Variants in STRN observed in about 807,000 individuals in gnomAD.
STRN encodes striatin, also known as protein phosphatase 2 regulatory subunit B'''alpha.
STRN carries 53 observed loss-of-function variants against 96.3 expected under a neutral mutation model. That is an observed-to-expected ratio of 0.55 (90% CI 0.44 to 0.69). The LOEUF is 0.69. Ranked by LOEUF, STRN falls within the 30% of genes least tolerant of loss-of-function variation. STRN has a pLI of 0.00. For missense variants in STRN, 987 were observed against 963.9 expected, an observed-to-expected ratio of 1.02 and a Z score of -0.32; for synonymous variants, 428 against 355.9, an observed-to-expected ratio of 1.20 and a Z score of -2.28.
In STRN at chr2:36,889,396, A is replaced by G. The variant is rs186990286; in HGVS notation, c.932-2570T>C. On this transcript the variant is annotated intron_variant, in intron 7 of 17. Transcript: ENST00000263918. Reference sequence around the variant, plus strand: ...ATTCTTTATTTTCCCAGAAAGACATAACAATTAAAAATGTTAATTTTCATC... The same window carrying G: ...ATTCTTTATTTTCCCAGAAAGACATGACAATTAAAAATGTTAATTTTCATC... 1.5e-4 allele frequency among the ~76,000 whole-genome samples: 23 copies of G among 152,310 alleles called. 1 individual carries two copies. The East Asian group carries it at 4.4e-3, about 29-fold the overall frequency.
chr2:36,964,523 A>G (rs1184025671), intron 1 of STRN, among the ~76,000 whole-genome samples: 1 of 152,204 alleles, frequency 6.6e-6, no homozygotes, highest in Non-Finnish European at 1.5e-5. Context: ...AGACTTGCAA[A>G]TATCAGATAG....
At position 36,846,387 on chromosome 2, in the gene STRN, TTATATATATATATATATATA is replaced by T. The variant is rs57446302; in HGVS notation, c.*3049_*3068del. 162 of 78,328 alleles carry T rather than the reference TTATATATATATATATATATA, an allele frequency of 2.1e-3. 6 individuals carry two copies. In the South Asian group the frequency reaches 0.027, roughly 13 times the overall value. The allele number at this position is 78,328 out of a possible 1,614,324, so 4.9% of individuals were successfully genotyped here. On this transcript the variant is annotated 3_prime_UTR_variant, in exon 18 of 18. Transcript: ENST00000263918. ...CAAAACAGTAAAATGCACCTATGGT[TTATATATATATATATATATA>T]TATATATATATATATATATATAGTT...
At chr2:36,919,812 G>C (rs1177408742) in intron 2 of STRN, among the ~76,000 whole-genome samples, 1 of 152,184 alleles carries the variant, frequency 6.6e-6, no homozygotes, top group Non-Finnish European at 1.5e-5. Context: ...TTTCAGAATT[G>C]TATTTATATA....
chr2:36,861,453 C>G (rs921956666), intron 12 of STRN, among the ~76,000 whole-genome samples, 200 bp from the exon 13 acceptor site: 1 of 152,126 alleles, frequency 6.6e-6, no homozygotes, highest in Non-Finnish European at 1.5e-5. Context: ...GTCAGCAGGT[C>G]AAATCCAACC....
chr2:36,958,660 G>A (rs938149257), intron 1 of STRN, among the ~76,000 whole-genome samples: 1 of 152,098 alleles, frequency 6.6e-6, no homozygotes, highest in Non-Finnish European at 1.5e-5. Flanking sequence ...AAAATACAGA[G>A]CAGATAATGG....
intron 1 of STRN, among the ~76,000 whole-genome samples, chr2:36,936,101 A>C (rs1670694233): frequency 6.6e-6 from 1 of 152,196 alleles, no homozygotes; most frequent in Admixed American, 6.5e-5. Flanking sequence ...AAAACTTATG[A>C]TGCCTAATCC....
intron 1 of STRN, among the ~76,000 whole-genome samples, chr2:36,963,802 C>G (rs2148285042): frequency 6.6e-6 from 1 of 152,030 alleles, no homozygotes; most frequent in South Asian, 2.1e-4. Context: ...ACCAAAAATA[C>G]AAAAATAAGC....
chr2:36,935,960 AAAAT>A (rs1165624873), intron 1 of STRN, among the ~76,000 whole-genome samples: 3 of 152,128 alleles, frequency 2.0e-5, no homozygotes, highest in Non-Finnish European at 2.9e-5. Flanking sequence ...TTAATAAAAC[AAAAT>A]AAATAAAAAA....
intron 10 of STRN, among the ~76,000 whole-genome samples, chr2:36,876,546 C>CA (rs1668917475): frequency 6.6e-6 from 1 of 151,920 alleles, no homozygotes; most frequent in Non-Finnish European, 1.5e-5. Context: ...GCTTCTTTAC[C>CA]GTACCTATGG....
At chr2:36,951,690 A>G (rs1395380402) in intron 1 of STRN, among the ~76,000 whole-genome samples, 1 of 152,202 alleles carries the variant, frequency 6.6e-6, no homozygotes. Context: ...GGCAGCTACT[A>G]TGTGCCAGTC....
Position 36,846,659 on chromosome 2 carries a change from C to T in STRN, c.*2797G>A, listed in dbSNP as rs1008281949. On this transcript the variant is annotated 3_prime_UTR_variant, in exon 18 of 18. Transcript: ENST00000263918. ...GTCATAACTAAAATGATTATAAAAGCGAAATATTTTGCATAACTAAGTATT... is the reference window on the plus strand; with the variant it reads ...GTCATAACTAAAATGATTATAAAAGTGAAATATTTTGCATAACTAAGTATT... The T allele has an allele frequency of 4.6e-5, 7 of 151,114 alleles. No individual in the cohort carries two copies. Among genetic ancestry groups the T allele is most frequent in the South Asian group, 2.1e-4 (1 of 4,810 alleles). The allele number at this position is 151,114 out of a possible 1,614,324, so 9.4% of individuals were successfully genotyped here.
chr2:36,924,807 A>G (rs978944988), intron 2 of STRN, among the ~76,000 whole-genome samples: 6 of 152,232 alleles, frequency 3.9e-5, no homozygotes, highest in African/African-American at 1.4e-4. Context: ...CTGTAATCCC[A>G]GCACTTTAGG....
At chr2:36,876,050 C>T (rs1668900801) in intron 10 of STRN, among the ~76,000 whole-genome samples, 1 of 152,070 alleles carries the variant, frequency 6.6e-6, no homozygotes, top group Non-Finnish European at 1.5e-5. Context: ...AGGTGAACTG[C>T]TTGAGCTTAG....
Position 36,846,971 on chromosome 2 carries a change from A to G in STRN, c.*2485T>C, listed in dbSNP as rs908803041. ...ATTTCAATGGCTGTTTAAACATTGA[A>G]TTTGTTCATTCTGTGAATTTTCATT... On this transcript the variant is annotated 3_prime_UTR_variant, in exon 18 of 18. Transcript: ENST00000263918. The G allele has an allele frequency of 6.6e-6, 1 of 152,214 alleles. No individual in the cohort carries two copies. The highest frequency in any genetic ancestry group is 1.5e-5 in the Non-Finnish European group (1 of 68,034). 9.4% of individuals were successfully genotyped at this position (152,214 alleles called of 1,614,324 possible).
In STRN at chr2:36,838,685, A is replaced by G. The variant is rs980736388; in HGVS notation, c.*10771T>C. Among the ~76,000 whole-genome samples, 3 of 152,242 alleles carry G rather than the reference A, an allele frequency of 2.0e-5. No individual in the cohort carries two copies. Among genetic ancestry groups the G allele is most frequent in the African/African-American group, 7.2e-5 (3 of 41,470 alleles). ...TCAATATTTATTTAAAAATTTAAATATACATACTCCTCAATGCAGCAATCC... is the reference window on the plus strand; with the variant it reads ...TCAATATTTATTTAAAAATTTAAATGTACATACTCCTCAATGCAGCAATCC... On this transcript the variant is annotated 3_prime_UTR_variant, in exon 18 of 18. Transcript: ENST00000263918.
chr2:36,906,463 C>CAATGAATGAATGAATGAATGAATGAATG (rs77063437), intron 3 of STRN, among the ~76,000 whole-genome samples: 3 of 149,754 alleles, frequency 2.0e-5, no homozygotes, highest in East Asian at 2.1e-4. Context: ...TGTCTCAAAA[C>CAATGAATGAATGAATGAATGAATGAATG]AATGAATGAA....
intron 7 of STRN, among the ~76,000 whole-genome samples, chr2:36,887,114 T>G (rs888849859): frequency 6.7e-6 from 1 of 150,188 alleles, no homozygotes; most frequent in Non-Finnish European, 1.5e-5. Context: ...TTTAGTAAAT[T>G]AAGCACAAAC....
At chr2:36,893,508 C>T (rs1474261594) in intron 7 of STRN, among the ~76,000 whole-genome samples, 2 of 152,154 alleles carry the variant, frequency 1.3e-5, no homozygotes, top group Non-Finnish European at 2.9e-5. Context: ...TGACTGACTA[C>T]AATTTTTTAA....
intron 9 of STRN, among the ~76,000 whole-genome samples, chr2:36,878,699 T>C (rs376811949): frequency 2.0e-5 from 3 of 152,286 alleles, no homozygotes; most frequent in African/African-American, 7.2e-5. Flanking sequence ...ATCAGCACTC[T>C]TCTGTAGGTA....
Sources: allele counts gnomAD v4.1 joint callset (sites outside exome capture counted in the v4.1 genomes callset), GRCh38; gene constraint gnomAD v4.1.1; transcripts MANE v1.5; gene names NCBI Gene and HGNC (gene_info 2026-07-23, HGNC 2026-07-21).